Variants in GHR observed in about 807,000 individuals in gnomAD.
GHR encodes GH receptor.
Under a neutral mutation model 67.1 loss-of-function variants are expected in GHR, and 35 were observed. The ratio of observed to expected loss-of-function variants is 0.52; its 90% CI spans 0.40 to 0.69. The LOEUF is 0.69. Ranked by LOEUF, GHR falls within the 30% of genes least tolerant of loss-of-function variation. The pLI is 0.00. For synonymous variants in GHR, 272 were observed against 269.1 expected, an observed-to-expected ratio of 1.01 and a Z score of -0.10; for missense variants, 792 against 764.6, an observed-to-expected ratio of 1.04 and a Z score of -0.42.
intron 1 of GHR, among the ~76,000 whole-genome samples, chr5:42,486,264 G>A (rs1745874354): frequency 1.3e-5 from 2 of 152,096 alleles, no homozygotes; most frequent in African/African-American, 2.4e-5. Flanking sequence ...CTATTCTCAG[G>A]CTGAACCCTC....
chr5:42,550,073 T>C (rs985001995), intron 1 of GHR: 2 of 973,466 alleles, frequency 2.1e-6, no homozygotes, highest in African/African-American at 1.8e-5. Flanking sequence ...ATTGTCTGCC[T>C]GATGATCAAT....
At chr5:42,638,824 C>T (rs1287236156) in intron 3 of GHR, among the ~76,000 whole-genome samples, 1 of 151,802 alleles carries the variant, frequency 6.6e-6, no homozygotes, top group Non-Finnish European at 1.5e-5. Context: ...TAAACTGTTA[C>T]AGGGAGCATA....
chr5:42,565,581 G>C, intron 1 of GHR: 1 of 985,414 alleles, frequency 1.0e-6, no homozygotes, highest in Non-Finnish European at 1.2e-6. Context: ...GTCGTTTGCT[G>C]TGAGGTGTTT....
At chr5:42,624,845 G>A (rs900981028) in intron 2 of GHR, among the ~76,000 whole-genome samples, 6 of 152,266 alleles carry the variant, frequency 3.9e-5, no homozygotes, top group Middle Eastern at 3.4e-3. Flanking sequence ...TGGTGGGAAT[G>A]GTTCTAGAAA....
In GHR at chr5:42,430,892, A is replaced by G. The variant is rs367896703; in HGVS notation, c.-12+6937A>G. On this transcript the variant is annotated intron_variant, in intron 1 of 9. Transcript: ENST00000230882. ...TTTACTTTGCTATAAGAAACGTCTA[A>G]GTTAGGATGATATAATATGAAATAA... 4.5e-4 allele frequency among the ~76,000 whole-genome samples: 69 copies of G among 152,268 alleles called. 2 individuals are homozygous for G. Among genetic ancestry groups the G allele is most frequent in the African/African-American group, 1.6e-3 (65 of 41,546 alleles).
intron 3 of GHR, chr5:42,647,695 A>G (rs753851422): frequency 7.8e-5 from 35 of 446,046 alleles, no homozygotes; most frequent in Non-Finnish European, 1.5e-4. Context: ...AAGCTCACCA[A>G]CTTGAAGGAA....
At position 42,596,244 on chromosome 5, in the gene GHR, T is replaced by C. The variant is rs140712183; in HGVS notation, c.70+30300T>C. On this transcript the variant is annotated intron_variant, in intron 2 of 9. Coordinates refer to ENST00000230882, the MANE Select transcript of GHR (RefSeq NM_000163.5). Reference sequence around the variant, plus strand: ...GCAGAACATATCACAGTATACAGCATAGAGTAGGTGCTTCATAATGTGTTA... The same window carrying C: ...GCAGAACATATCACAGTATACAGCACAGAGTAGGTGCTTCATAATGTGTTA... 4.3e-3 allele frequency among the ~76,000 whole-genome samples: 656 copies of C among 151,962 alleles called. 4 individuals carry two copies. The highest frequency in any genetic ancestry group is 0.015 in the African/African-American group (634 of 41,438).
chr5:42,690,891 G>T (rs993739513), intron 4 of GHR, among the ~76,000 whole-genome samples: 2 of 152,152 alleles, frequency 1.3e-5, no homozygotes, highest in African/African-American at 4.8e-5. Context: ...TAAGTTATTT[G>T]TACAGGCACA....
At position 42,517,060 on chromosome 5, in the gene GHR, C is replaced by T. The variant is rs557963809; in HGVS notation, c.-11-48804C>T. On this transcript the variant is annotated intron_variant, in intron 1 of 9. Coordinates refer to ENST00000230882, the MANE Select transcript of GHR (RefSeq NM_000163.5). ...GTGTTTGTTATAACACTTAGTTTGG[C>T]ATGTAACAGCTGAAGCTACTGGTTA... Among the ~76,000 whole-genome samples the T allele has an allele frequency of 2.0e-5, 3 of 152,260 alleles. No homozygotes were observed. In the South Asian group the frequency reaches 6.2e-4, roughly 32 times the overall value.
rs141602161 is a variant in GHR at position 42,430,607 on chromosome 5, C to CGTGTGTGTGTGTGTGT, written c.-12+6667_-12+6682dup. Among the ~76,000 whole-genome samples the CGTGTGTGTGTGTGTGT allele has an allele frequency of 1.5e-3, 228 of 147,510 alleles. 1 individual carries two copies. Among genetic ancestry groups the CGTGTGTGTGTGTGTGT allele is most frequent in the African/African-American group, 5.4e-3 (216 of 39,848 alleles). Reference sequence around the variant, plus strand: ...TAGATAAAATTGTCCATGCTAGTCCCGTGTGTGTGTGTGTGTGTGTGTGTG... The same window carrying CGTGTGTGTGTGTGTGT: ...TAGATAAAATTGTCCATGCTAGTCCCGTGTGTGTGTGTGTGTGTGTGTGTGTGTGTGTGTGTGTGTG... On this transcript the variant is annotated intron_variant, in intron 1 of 9. Transcript: ENST00000230882.
intron 2 of GHR, among the ~76,000 whole-genome samples, chr5:42,606,719 G>T (rs1177108067): frequency 2.0e-5 from 3 of 152,104 alleles, no homozygotes; most frequent in African/African-American, 7.2e-5. Context: ...TCAAAATCGG[G>T]CTCCCAGTTT....
intron 4 of GHR, 79 bp downstream of exon 4, chr5:42,689,098 A>G: frequency 8.3e-7 from 1 of 1,200,264 alleles, no homozygotes. Flanking sequence ...GTACTGTGGG[A>G]ATGGAAGTGA....
chr5:42,629,364 C>A (rs1485509532), intron 3 of GHR, among the ~76,000 whole-genome samples: 1 of 131,684 alleles, frequency 7.6e-6, no homozygotes, highest in Non-Finnish European at 1.6e-5. Flanking sequence ...GTCATGTGGG[C>A]AGATTCCTCA....
rs748817209 is a variant in GHR, at chr5:42,719,340, G to A, written c.1833G>A (p.Ala611=). 47 of 1,613,804 alleles carry A rather than the reference G, an allele frequency of 2.9e-5. No homozygotes were observed. Among genetic ancestry groups the A allele is most frequent in the African/African-American group, 4.0e-5 (3 of 74,912 alleles). ...CCCCACAGGGCCTCATACTCAATGC[G>A]ACTGCCTTGCCCTTGCCTGACAAAG... The part of the protein sequence containing the change: ...VQSPQGLILN[A]TALPLPDKEF... The change falls in exon 10 of 10, where the codon GCG becomes GCA. Residue 611 remains alanine, a synonymous_variant. Coordinates refer to ENST00000230882, the MANE Select transcript of GHR (RefSeq NM_000163.5).
intron 3 of GHR, among the ~76,000 whole-genome samples, chr5:42,673,762 G>A (rs533746402): frequency 2.6e-4 from 39 of 152,104 alleles, no homozygotes; most frequent in African/African-American, 8.0e-4. Flanking sequence ...TAGAAACTGG[G>A]GACTAACAGA....
chr5:42,652,766 TAAA>T (rs2112829109), intron 3 of GHR, among the ~76,000 whole-genome samples: 2 of 152,306 alleles, frequency 1.3e-5, no homozygotes, highest in African/African-American at 4.8e-5. Context: ...CTTTAACAGA[TAAA>T]GAGACTGAGG....
Position 42,565,956 on chromosome 5 carries a change from T to C in GHR, c.70+12T>C. On this transcript the variant is annotated intron_variant, in intron 2 of 9. Transcript: ENST00000230882. Reference sequence around the variant, plus strand: ...TTCTGGAAGTGAGGGTGAGTTCTGCTTTTCCATTTCCACCCTCAGTGTTTT... The same window carrying C: ...TTCTGGAAGTGAGGGTGAGTTCTGCCTTTCCATTTCCACCCTCAGTGTTTT... 2 of 1,613,940 alleles carry C rather than the reference T, an allele frequency of 1.2e-6. No individual in the cohort carries two copies. The highest frequency in any genetic ancestry group is 1.7e-6 in the Non-Finnish European group (2 of 1,179,804).
At chr5:42,474,257 C>CAAAGAAAGAAAGAAAGAA (rs1745145155) in intron 1 of GHR, among the ~76,000 whole-genome samples, 1 of 87,940 alleles carries the variant, frequency 1.1e-5, no homozygotes, top group Non-Finnish European at 2.4e-5. Flanking sequence ...GAAAGACAGA[C>CAAAGAAAGAAAGAAAGAA]AGAAAGAAAG....
chr5:42,623,670 A>G (rs1753566639), intron 2 of GHR, among the ~76,000 whole-genome samples: 1 of 152,148 alleles, frequency 6.6e-6, no homozygotes, highest in Non-Finnish European at 1.5e-5. Flanking sequence ...TGTTCCTCCA[A>G]TGCTTGACCA....
Sources: gnomAD v4.1 joint callset for allele counts (sites outside exome capture counted in the v4.1 genomes callset) on GRCh38, gnomAD v4.1.1 for gene constraint, MANE v1.5 for transcripts, NCBI Gene and HGNC (gene_info 2026-07-23, HGNC 2026-07-21) for gene names.